Variants in PRDM16 observed in about 807,000 individuals in gnomAD.
PRDM16 encodes histone-lysine N-methyltransferase PRDM16.
PRDM16 carries 23 observed loss-of-function variants against 110.6 expected under a neutral mutation model. The observed-to-expected ratio is 0.21, with a 90% confidence interval of 0.15 to 0.29. The LOEUF is 0.29. Among genes scored for constraint, PRDM16 ranks in the 10% least tolerant of loss-of-function variants. PRDM16 has a pLI of 1.00. For synonymous variants in PRDM16, 799 were observed against 781.8 expected (o/e 1.02, Z -0.37); for missense variants, 1,615 against 1,794.3 (o/e 0.90, Z 1.81).
chr1:3,248,368 G>A (rs1255917986), intron 3 of PRDM16, among the ~76,000 whole-genome samples: 4 of 152,124 alleles, frequency 2.6e-5, no homozygotes, highest in African/African-American at 9.7e-5. Context: ...AATACAGAAC[G>A]GGAAAACACA....
chr1:3,385,426 G>T, intron 4 of PRDM16, 140 bp downstream of exon 4: 1 of 862,168 alleles, frequency 1.2e-6, no homozygotes, highest in Non-Finnish European at 1.8e-6. Context: ...CTGCAGTGGG[G>T]GTGCTGTTTG....
chr1:3,294,869 G>C (rs1641051379), intron 3 of PRDM16, among the ~76,000 whole-genome samples: 1 of 152,176 alleles, frequency 6.6e-6, no homozygotes, highest in Non-Finnish European at 1.5e-5. Context: ...GTACAAACCA[G>C]AACCAACCCC....
Position 3,350,703 on chromosome 1 carries a change from C to G in PRDM16, c.439-34449C>G, listed in dbSNP as rs1342784534. Among the ~76,000 whole-genome samples, 2 of 152,104 alleles carry G rather than the reference C, an allele frequency of 1.3e-5. No individual in the cohort carries two copies. The highest frequency in any genetic ancestry group is 4.8e-5 in the African/African-American group (2 of 41,432). On this transcript the variant is annotated intron_variant, in intron 3 of 16. Coordinates refer to ENST00000270722, the MANE Select transcript of PRDM16 (RefSeq NM_022114.4). This position sits in a 1 kb window ranked among gnomAD's most constrained non-coding sequence, Gnocchi z 7.1. ...CAGGGCTTTGGCACCATGCAGCCTCCCAGATGGCCGGGCCGGGCTGGTTCC... is the reference window on the plus strand; with the variant it reads ...CAGGGCTTTGGCACCATGCAGCCTCGCAGATGGCCGGGCCGGGCTGGTTCC...
chr1:3,333,642 G>C (rs975437545), intron 3 of PRDM16, among the ~76,000 whole-genome samples: 1 of 140,830 alleles, frequency 7.1e-6, no homozygotes, highest in African/African-American at 3.2e-5. Flanking sequence ...TAAGGTCACA[G>C]ATGTGGTGGT....
intron 1 of PRDM16, among the ~76,000 whole-genome samples, chr1:3,072,804 G>A (rs929378972): frequency 6.6e-6 from 1 of 152,246 alleles, no homozygotes; most frequent in Admixed American, 6.5e-5. Flanking sequence ...CACAGAGGCT[G>A]CGGTGGAGGG....
intron 3 of PRDM16, among the ~76,000 whole-genome samples, chr1:3,349,051 G>A (rs1272323878): frequency 6.6e-6 from 1 of 152,224 alleles, no homozygotes; most frequent in African/African-American, 2.4e-5. Flanking sequence ...CAGCATGGCC[G>A]GAGAGGCTGG....
chr1:3,093,684 G>T, intron 1 of PRDM16, among the ~76,000 whole-genome samples: 1 of 152,192 alleles, frequency 6.6e-6, no homozygotes, highest in East Asian at 1.9e-4. Context: ...GCAGACCCTA[G>T]GAAAGGGGTG....
intron 2 of PRDM16, among the ~76,000 whole-genome samples, chr1:3,215,369 G>A (rs7534096): frequency 7.3e-4 from 85 of 115,750 alleles, no homozygotes; most frequent in African/African-American, 2.9e-3. Flanking sequence ...GGCCCACGGG[G>A]TCCAGGAGAA....
chr1:3,304,969 G>A (rs970954755), intron 3 of PRDM16, among the ~76,000 whole-genome samples: 1 of 152,280 alleles, frequency 6.6e-6, no homozygotes, highest in Admixed American at 6.5e-5. Flanking sequence ...TGTGTCCCCA[G>A]CTGAAGCTGG....
chr1:3,190,694 C>T lies in PRDM16; in HGVS notation c.387+4220C>T, dbSNP rs1020914167. 1.1e-4 allele frequency among the ~76,000 whole-genome samples: 16 copies of T among 152,208 alleles called. No individual in the cohort carries two copies. The highest frequency in any genetic ancestry group is 3.9e-4 in the African/African-American group (16 of 41,462). On this transcript the variant is annotated intron_variant, in intron 2 of 16. Transcript: ENST00000270722. This position sits in a 1 kb window ranked among gnomAD's most constrained non-coding sequence, Gnocchi z 5.0. The stretch of plus-strand genomic sequence containing the variant: ...ATCTGGACACAGCCGGGCTCAGTCT[C>T]TTCCCAAATACCACGCCCCGCCGGT...
chr1:3,257,231 G>A (rs1640071569), intron 3 of PRDM16, among the ~76,000 whole-genome samples: 1 of 152,216 alleles, frequency 6.6e-6, no homozygotes, highest in Non-Finnish European at 1.5e-5. Context: ...CTTCATGTGT[G>A]TGGGTGCCAC....
intron 1 of PRDM16, among the ~76,000 whole-genome samples, chr1:3,106,008 C>T (rs1217155084): frequency 6.6e-6 from 1 of 151,312 alleles, no homozygotes; most frequent in Non-Finnish European, 1.5e-5. Flanking sequence ...GCCCTGTCCT[C>T]CAGCCCCAGC....
chr1:3,401,122 G>A (rs1380365640), intron 5 of PRDM16, among the ~76,000 whole-genome samples: 1 of 152,182 alleles, frequency 6.6e-6, no homozygotes, highest in Non-Finnish European at 1.5e-5. Flanking sequence ...CCAAATAGCA[G>A]CATCTCTACC....
At chr1:3,374,693 C>T (rs1203742210) in intron 3 of PRDM16, among the ~76,000 whole-genome samples, 1 of 152,212 alleles carries the variant, frequency 6.6e-6, no homozygotes, top group African/African-American at 2.4e-5. Flanking sequence ...TAAGGCAGAG[C>T]GCACAGCATA....
At chr1:3,417,788 A>G in intron 10 of PRDM16, 40 bp from the exon 11 acceptor site, 2 of 1,587,514 alleles carry the variant, frequency 1.3e-6, no homozygotes, top group Non-Finnish European at 1.7e-6. Context: ...GACAGGTGAG[A>G]GTCAGCTGAG....
Position 3,411,644 on chromosome 1 carries a change from C to A in PRDM16, c.1447C>A (p.Leu483Met). 6.2e-7 allele frequency: 1 copy of A among 1,613,840 alleles called. No homozygotes were observed. Among genetic ancestry groups the A allele is most frequent in the South Asian group, 1.1e-5 (1 of 91,050 alleles). ...KPSPSLNHAS[L>M]GFNEYFPSRP... ...CTCCCCCAGCCTCAATCACGCCAGC[C>A]TGGGCTTCAACGAGTACTTTCCCTC... The change falls in exon 9 of 17, where the codon CTG becomes ATG. Residue 483 changes from leucine to methionine, a missense_variant. Transcript: ENST00000270722.
chr1:3,156,548 C>T (rs1643861905), intron 1 of PRDM16, among the ~76,000 whole-genome samples: 2 of 152,198 alleles, frequency 1.3e-5, no homozygotes, highest in Admixed American at 1.3e-4. Flanking sequence ...TGTCACCCCT[C>T]CTCCTGGTAG....
Position 3,243,693 on chromosome 1 carries a change from T to G in PRDM16, c.388-394T>G, listed in dbSNP as rs1416452632. ...GAACTTGGAGGAAACACAAATAGAG[T>G]CTGTTCACCATCCAGGGTGTCCATG... is the stretch of plus-strand genomic sequence containing the variant. On this transcript the variant is annotated intron_variant, in intron 2 of 16. Coordinates refer to ENST00000270722, the MANE Select transcript of PRDM16 (RefSeq NM_022114.4). This position sits in a 1 kb window ranked among gnomAD's most constrained non-coding sequence, Gnocchi z 5.5. Among the ~76,000 whole-genome samples the G allele has an allele frequency of 6.6e-6, 1 of 152,044 alleles. No homozygotes were observed. The highest frequency in any genetic ancestry group is 1.5e-5 in the Non-Finnish European group (1 of 68,014).
intron 3 of PRDM16, among the ~76,000 whole-genome samples, chr1:3,341,868 C>G (rs1035429190): frequency 2.0e-5 from 3 of 152,244 alleles, no homozygotes; most frequent in Admixed American, 1.3e-4. Context: ...ACATCTGAGG[C>G]AGGTGAGTCC....
Sources: gnomAD v4.1 joint callset for allele counts (sites outside exome capture counted in the v4.1 genomes callset) on GRCh38, gnomAD v4.1.1 for gene constraint, Gnocchi (gnomAD v3.1) non-coding constraint, MANE v1.5 for transcripts, NCBI Gene and HGNC (gene_info 2026-07-23, HGNC 2026-07-21) for gene names.